The following ARHGAP6 variants were observed in gnomAD, a reference collection of about 807,000 sequenced individuals.
ARHGAP6 encodes the protein Rho GTPase activating protein 6, also known as rho GTPase-activating protein 6.
Under a neutral mutation model 55.7 loss-of-function variants are expected in ARHGAP6, and 16 were observed. The observed-to-expected ratio is 0.29, with a 90% CI of 0.19 to 0.44. The LOEUF (loss-of-function observed/expected upper bound fraction) is 0.44, where lower values mean the gene tolerates loss of function less well. Ranked by LOEUF, ARHGAP6 falls within the 20% of genes least tolerant of loss-of-function variation. ARHGAP6 has a pLI of 1.00. For missense variants in ARHGAP6, 698 were observed against 808.9 expected (o/e 0.86, Z 1.66); for synonymous variants, 382 against 360.9 (o/e 1.06, Z -0.66).
At chrX:11,461,532 G>C (rs2050245411) in intron 1 of ARHGAP6, among the ~76,000 whole-genome samples, 1 of 111,901 alleles carries the variant, frequency 8.9e-6, no homozygotes, top group Non-Finnish European at 1.9e-5. Context: ...TGGACACTCA[G>C]TAGAACCTCA....
At chrX:11,514,940 C>T (rs934124824) in intron 1 of ARHGAP6, among the ~76,000 whole-genome samples, 1 of 111,061 alleles carries the variant, frequency 9.0e-6, no homozygotes, top group African/African-American at 3.3e-5. Context: ...TTGAATTCCA[C>T]CCTCACTGGT....
chrX:11,578,855 A>G (rs2051632152), intron 1 of ARHGAP6, among the ~76,000 whole-genome samples: 1 of 111,454 alleles, frequency 9.0e-6, no homozygotes, highest in South Asian at 3.8e-4. Context: ...CAGCTATAAA[A>G]AAGGACGAGT....
intron 1 of ARHGAP6, among the ~76,000 whole-genome samples, chrX:11,392,062 T>G (rs1207919221): frequency 1.8e-5 from 2 of 112,215 alleles, no homozygotes; most frequent in Non-Finnish European, 3.8e-5. Flanking sequence ...AATTGTTCCA[T>G]CCTAAATCAC....
intron 1 of ARHGAP6, among the ~76,000 whole-genome samples, chrX:11,564,399 G>A (rs983230540): frequency 8.2e-5 from 9 of 110,101 alleles, no homozygotes; most frequent in Non-Finnish European, 1.5e-4. Context: ...TAGTACCTCA[G>A]TTTGCTTAAA....
At chrX:11,605,563 T>C (rs1326210175) in intron 1 of ARHGAP6, among the ~76,000 whole-genome samples, 1 of 111,671 alleles carries the variant, frequency 9.0e-6, no homozygotes, top group Non-Finnish European at 1.9e-5. Context: ...TCAGATTCTA[T>C]TGCCATGTGA....
chrX:11,271,696 C>CA (rs2047695805), intron 1 of ARHGAP6, among the ~76,000 whole-genome samples: 1 of 111,550 alleles, frequency 9.0e-6, no homozygotes, highest in Non-Finnish European at 1.9e-5. Flanking sequence ...ATAAGTAATT[C>CA]AAAATCTACA....
At chrX:11,550,766 C>A (rs964645734) in intron 1 of ARHGAP6, among the ~76,000 whole-genome samples, 1 of 112,027 alleles carries the variant, frequency 8.9e-6, no homozygotes, top group Non-Finnish European at 1.9e-5. Flanking sequence ...AGACTAGCCA[C>A]TTGGAAAGTC....
chrX:11,353,912 A>G (rs2147675635), intron 1 of ARHGAP6, among the ~76,000 whole-genome samples: 1 of 111,256 alleles, frequency 9.0e-6, no homozygotes, highest in South Asian at 3.8e-4. Flanking sequence ...TTGTGACTAC[A>G]TCAGGCAAAC....
intron 3 of ARHGAP6, among the ~76,000 whole-genome samples, chrX:11,189,209 C>A (rs749139492): frequency 2.9e-4 from 32 of 111,826 alleles, no homozygotes; most frequent in Non-Finnish European, 4.9e-4. Flanking sequence ...ACATTTAGGT[C>A]TCTAGTTTTT....
At chrX:11,574,156 A>G (rs1231814800) in intron 1 of ARHGAP6, among the ~76,000 whole-genome samples, 27 of 111,272 alleles carry the variant, frequency 2.4e-4, no homozygotes, top group African/African-American at 8.5e-4. Context: ...ACAAGGAGGA[A>G]CTGGTACCAT....
In ARHGAP6 at chrX:11,139,022, C is replaced by T. The variant is rs1172467087; in HGVS notation, c.2766G>A (p.Thr922=). The change falls in exon 13 of 13, where the codon ACG becomes ACA. Residue 922 remains threonine (T), a synonymous_variant. Transcript: ENST00000337414. The part of the protein sequence containing the change: ...GQAAEREQQV[T]QKKLSSANSL... ...AGTTGGCGCTGCTCAGTTTTTTCTG[C>T]GTGACCTGCTGCTCTCGCTCGGCTG... 2 of 1,208,586 alleles carry T rather than the reference C, an allele frequency of 1.7e-6. No homozygotes were observed. Among genetic ancestry groups the T allele is most frequent in the South Asian group, 1.8e-5 (1 of 56,453 alleles).
chrX:11,219,117 T>C (rs2046925623), intron 2 of ARHGAP6, among the ~76,000 whole-genome samples: 1 of 90,120 alleles, frequency 1.1e-5, no homozygotes, highest in Admixed American at 1.3e-4. Context: ...AATTCCCACC[T>C]ATGAGTGAGA....
At chrX:11,566,839 T>C (rs1389334113) in intron 1 of ARHGAP6, among the ~76,000 whole-genome samples, 1 of 112,660 alleles carries the variant, frequency 8.9e-6, no homozygotes, top group East Asian at 2.8e-4. Context: ...AACAAGACTT[T>C]TGTTTCTTTA....
At chrX:11,443,239 T>C (rs2050058458) in intron 1 of ARHGAP6, among the ~76,000 whole-genome samples, 1 of 112,882 alleles carries the variant, frequency 8.9e-6, no homozygotes, top group Admixed American at 9.3e-5. Flanking sequence ...AGACTCCTCT[T>C]CATCGCTAAA....
chrX:11,327,762 G>A (rs910860569), intron 1 of ARHGAP6, among the ~76,000 whole-genome samples: 4 of 111,686 alleles, frequency 3.6e-5, no homozygotes, highest in Admixed American at 2.8e-4. Context: ...GAATTTGGGG[G>A]CAATCATAAC....
intron 10 of ARHGAP6, among the ~76,000 whole-genome samples, chrX:11,156,110 T>A (rs1323350864): frequency 8.9e-6 from 1 of 112,459 alleles, no homozygotes; most frequent in African/African-American, 3.2e-5. Flanking sequence ...GTCTTGTGGT[T>A]TGATAATGGG....
intron 2 of ARHGAP6, among the ~76,000 whole-genome samples, chrX:11,230,665 ATGTG>A (rs746799072): frequency 9.3e-5 from 10 of 107,725 alleles, no homozygotes; most frequent in South Asian, 4.1e-4. Context: ...ATACGTATAT[ATGTG>A]TGTGTGTGTA....
intron 1 of ARHGAP6, among the ~76,000 whole-genome samples, chrX:11,588,058 T>C (rs1312826425): frequency 8.9e-6 from 1 of 112,318 alleles, no homozygotes; most frequent in Non-Finnish European, 1.9e-5. Flanking sequence ...TTTACAGATG[T>C]GTTTGCCATT....
chrX:11,559,251 CA>C (rs765040144), intron 1 of ARHGAP6, among the ~76,000 whole-genome samples: 6 of 110,188 alleles, frequency 5.4e-5, no homozygotes, highest in African/African-American at 2.0e-4. Context: ...TTTTTACTGT[CA>C]CTGCTTCTTC....
Sources: gnomAD v4.1 joint callset for allele counts (sites outside exome capture counted in the v4.1 genomes callset) on GRCh38, gnomAD v4.1.1 for gene constraint, MANE v1.5 for transcripts, NCBI Gene and HGNC (gene_info 2026-07-23, HGNC 2026-07-21) for gene names.